SDK1: variants seen among roughly 807,000 people sequenced by gnomAD.
The protein encoded by SDK1 is protein sidekick-1.
A neutral mutation model predicts 245.5 loss-of-function variants in SDK1; 157 were observed. That is an observed-to-expected ratio of 0.64 (90% confidence interval 0.56 to 0.73). SDK1 has a LOEUF of 0.73. Among genes scored for constraint, SDK1 ranks in the 30% least tolerant of loss-of-function variants. SDK1 has a pLI of 0.00. For missense variants in SDK1, 3,583 were observed against 3,002.3 expected (o/e 1.19, Z -4.52); for synonymous variants, 1,647 against 1,278.5 (o/e 1.29, Z -6.15).
chr7:4,024,373 C>T (rs1352745993), intron 17 of SDK1, among the ~76,000 whole-genome samples: 1 of 135,330 alleles, frequency 7.4e-6, no homozygotes, highest in East Asian at 2.1e-4. Context: ...ATTTGTTTCT[C>T]AAGCCCTACA....
At chr7:3,840,768 G>A (rs1476922066) in intron 5 of SDK1, among the ~76,000 whole-genome samples, 1 of 152,214 alleles carries the variant, frequency 6.6e-6, no homozygotes, top group African/African-American at 2.4e-5. Flanking sequence ...AGTATGATCC[G>A]AGAATCGCGA....
chr7:3,304,630 C>G (rs1196625810), intron 1 of SDK1, among the ~76,000 whole-genome samples: 2 of 152,176 alleles, frequency 1.3e-5, no homozygotes, highest in Non-Finnish European at 2.9e-5. Context: ...TTAGAATCAC[C>G]TGGGGAATTT....
intron 1 of SDK1, among the ~76,000 whole-genome samples, chr7:3,500,735 C>T (rs983534559): frequency 6.6e-6 from 1 of 152,110 alleles, no homozygotes; most frequent in African/African-American, 2.4e-5. Context: ...TGACTTCATC[C>T]TTTAATTTTT....
At chr7:3,681,217 G>A (rs185849938) in intron 4 of SDK1, among the ~76,000 whole-genome samples, 1 of 152,020 alleles carries the variant, frequency 6.6e-6, no homozygotes, top group Non-Finnish European at 1.5e-5. Context: ...TTGACTTTAT[G>A]TAAATGAAAT....
rs751191257 is a variant in SDK1 at position 4,210,105 on chromosome 7, G to C, written c.5482G>C (p.Ala1828Pro). Residue 1828 changes from alanine (A) to proline (P), a missense_variant, in exon 38 of 45, where the codon GCC becomes CCC. Coordinates refer to ENST00000404826, the MANE Select transcript of SDK1 (RefSeq NM_152744.4). Reference sequence around the variant, plus strand: ...CGTGTCCTGGGGCGAGCCTGCGGCGGCCAACGGCATCCTGCAGGGCTATCG... The same window carrying C: ...CGTGTCCTGGGGCGAGCCTGCGGCGCCCAACGGCATCCTGCAGGGCTATCG... Reference protein sequence around the residue: ...LNVSWGEPAAANGILQGYRVV... With the variant: ...LNVSWGEPAAPNGILQGYRVV... The C allele has an allele frequency of 1.9e-6, 3 of 1,609,748 alleles. No individual in the cohort carries two copies. The African/African-American group carries it at 4.0e-5, about 22-fold the overall frequency.
intron 25 of SDK1, among the ~76,000 whole-genome samples, chr7:4,123,259 C>T (rs947556869): frequency 2.0e-5 from 3 of 152,172 alleles, no homozygotes; most frequent in African/African-American, 4.8e-5. Flanking sequence ...CTGGTACCAA[C>T]GTCTTGGGCA....
At position 4,217,201 on chromosome 7, in the gene SDK1, G is replaced by A. The variant is rs113468177; in HGVS notation, c.5540-2908G>A. Among the ~76,000 whole-genome samples, 81 of 137,740 alleles carry A rather than the reference G, an allele frequency of 5.9e-4. 6 individuals carry two copies. Among genetic ancestry groups the A allele is most frequent in the African/African-American group, 2.2e-3 (75 of 34,628 alleles). 90.4% of individuals were successfully genotyped at this position (137,740 alleles called of 152,430 possible). A position where few individuals can be genotyped will look rare whatever the true frequency, so the allele number is the denominator to read the frequency against. ...CCCCCGGAGCACCCTGCCACCCGGA[G>A]CACCAGGCCACCCAGAGCACCAGGC... is the stretch of plus-strand genomic sequence containing the variant. On this transcript the variant is annotated intron_variant, in intron 38 of 44. Transcript: ENST00000404826.
chr7:3,742,818 C>T (rs1217253788), intron 4 of SDK1, among the ~76,000 whole-genome samples: 1 of 152,076 alleles, frequency 6.6e-6, no homozygotes, highest in Non-Finnish European at 1.5e-5. Flanking sequence ...AGGTCAGTGT[C>T]CTTTTGGATA....
chr7:3,609,621 C>T (rs778714592), intron 1 of SDK1, among the ~76,000 whole-genome samples: 7 of 152,000 alleles, frequency 4.6e-5, no homozygotes, highest in Non-Finnish European at 7.4e-5. Flanking sequence ...AGGATGGTCT[C>T]GATTTCCTGA....
At chr7:3,521,605 A>G (rs1262372981) in intron 1 of SDK1, among the ~76,000 whole-genome samples, 1 of 152,188 alleles carries the variant, frequency 6.6e-6, no homozygotes, top group Non-Finnish European at 1.5e-5. Context: ...AAAATAGCAA[A>G]GGCCTTATAG....
chr7:3,914,843 C>G (rs1042646732), intron 5 of SDK1, among the ~76,000 whole-genome samples: 2 of 152,130 alleles, frequency 1.3e-5, no homozygotes, highest in Non-Finnish European at 2.9e-5. Context: ...TAAATGAGAC[C>G]TTCAGAATCA....
chr7:3,776,060 C>T (rs1780550747), intron 4 of SDK1, among the ~76,000 whole-genome samples: 1 of 152,218 alleles, frequency 6.6e-6, no homozygotes, highest in Admixed American at 6.5e-5. Context: ...TCATTCATCA[C>T]CTACCACGCA....
chr7:3,377,592 CTGT>C (rs1781386643), intron 1 of SDK1, among the ~76,000 whole-genome samples: 1 of 152,040 alleles, frequency 6.6e-6, no homozygotes, highest in Non-Finnish European at 1.5e-5. Flanking sequence ...GTCTCTGTGT[CTGT>C]TGTAACAGTT....
chr7:3,560,151 A>G (rs1779702583), intron 1 of SDK1, among the ~76,000 whole-genome samples: 1 of 152,328 alleles, frequency 6.6e-6, no homozygotes, highest in African/African-American at 2.4e-5. Flanking sequence ...ATTGTTTTAA[A>G]TGTTACTTAT....
chr7:4,238,382 A>C (rs1374745411), intron 42 of SDK1, among the ~76,000 whole-genome samples: 1 of 151,642 alleles, frequency 6.6e-6, no homozygotes, highest in African/African-American at 2.4e-5. Flanking sequence ...GCCCAACCTA[A>C]TCACATTTTT....
chr7:4,109,086 TG>T, intron 22 of SDK1, among the ~76,000 whole-genome samples: 1 of 152,208 alleles, frequency 6.6e-6, no homozygotes, highest in East Asian at 1.9e-4. Context: ...GCGTTTGCCT[TG>T]TTCACGGCTT....
Position 4,028,964 on chromosome 7 carries a change from C to G in SDK1, c.2602+11612C>G, listed in dbSNP as rs1040962084. On this transcript the variant is annotated intron_variant, in intron 17 of 44. Transcript: ENST00000404826. ...GGAAGACGCCAAGAGAAGCACAACC[C>G]TGTAATTCCTGTAATTCCCAGGAAG... 5.3e-5 allele frequency among the ~76,000 whole-genome samples: 8 copies of G among 152,220 alleles called. No individual in the cohort carries two copies. In the South Asian group the frequency reaches 1.7e-3, roughly 32 times the overall value.
At chr7:3,921,022 A>G (rs1195880371) in intron 5 of SDK1, among the ~76,000 whole-genome samples, 7 of 152,202 alleles carry the variant, frequency 4.6e-5, no homozygotes, top group Non-Finnish European at 1.0e-4. Context: ...TAGAGTTGAG[A>G]TATAAACTAG....
chr7:3,577,289 G>C (rs548392186), intron 1 of SDK1, among the ~76,000 whole-genome samples: 1 of 152,190 alleles, frequency 6.6e-6, no homozygotes, highest in South Asian at 2.1e-4. Flanking sequence ...AGCGCTCTGA[G>C]ATTGGTTCTG....
Sources: gnomAD v4.1 joint callset for allele counts (sites outside exome capture counted in the v4.1 genomes callset) on GRCh38, gnomAD v4.1.1 for gene constraint, MANE v1.5 for transcripts, NCBI Gene and HGNC (gene_info 2026-07-23, HGNC 2026-07-21) for gene names.